KLF8: variants seen among roughly 807,000 people sequenced by gnomAD.
The protein encoded by KLF8 is Krueppel-like factor 8.
In KLF8, 10 loss-of-function variants were observed where a neutral mutation model predicts 18.2. The ratio of observed to expected loss-of-function variants is 0.55; its 90% confidence interval spans 0.34 to 0.93. The LOEUF is 0.93. KLF8 is among the 40% of genes least tolerant of loss of function. The pLI is 0.02. For synonymous variants in KLF8, 109 were observed against 97.3 expected (o/e 1.12, Z -0.71); for missense variants, 264 against 277.9 (o/e 0.95, Z 0.36).
At chrX:56,167,379 C>A in the KLF8 span, among the ~76,000 whole-genome samples, 1 of 112,033 alleles carries the variant, frequency 8.9e-6, no homozygotes, top group Non-Finnish European at 1.9e-5. Context: ...ATCTGCTCGT[C>A]TATGCCTCCC....
chrX:56,179,736 C>T, the KLF8 span, among the ~76,000 whole-genome samples: 2 of 111,709 alleles, frequency 1.8e-5, no homozygotes, highest in Non-Finnish European at 3.8e-5. Flanking sequence ...TTTATTGCAT[C>T]TATTGAGATA....
chrX:56,250,508 T>C, intron 2 of KLF8, among the ~76,000 whole-genome samples: 1 of 111,778 alleles, frequency 8.9e-6, no homozygotes, highest in Middle Eastern at 4.6e-3. Context: ...AAAAGAAACA[T>C]AGCCTCTGGA....
intron 2 of KLF8, among the ~76,000 whole-genome samples, chrX:56,250,967 A>G (rs917795858): frequency 8.0e-5 from 9 of 112,373 alleles, no homozygotes; most frequent in African/African-American, 2.9e-4. Context: ...CTCACATTAT[A>G]GAGAGTAATG....
chrX:56,136,079 C>A, the KLF8 span, among the ~76,000 whole-genome samples: 8 of 110,956 alleles, frequency 7.2e-5, 1 homozygote, highest in Admixed American at 7.7e-4. Flanking sequence ...AACTACAAAC[C>A]ACTGCTCAAG....
At chrX:56,052,529 G>A in the KLF8 span, among the ~76,000 whole-genome samples, 7 of 111,888 alleles carry the variant, frequency 6.3e-5, no homozygotes, top group Non-Finnish European at 1.3e-4. Flanking sequence ...TACCTGCCGT[G>A]TGAGGTGTCA....
chrX:56,107,109 C>T, the KLF8 span, among the ~76,000 whole-genome samples: 2 of 111,232 alleles, frequency 1.8e-5, no homozygotes, highest in African/African-American at 6.5e-5. Context: ...AGAGGGGCAC[C>T]CCCCTCTATG....
At chrX:56,190,373 A>G in the KLF8 span, among the ~76,000 whole-genome samples, 1 of 111,634 alleles carries the variant, frequency 9.0e-6, no homozygotes, top group Non-Finnish European at 1.9e-5. Context: ...CCCCAATACA[A>G]TTAGAGCTGG....
the KLF8 span, among the ~76,000 whole-genome samples, chrX:56,119,526 C>A: frequency 9.1e-6 from 1 of 110,473 alleles, no homozygotes; most frequent in Non-Finnish European, 1.9e-5. Context: ...GTCTCAGCCT[C>A]CCAAGTAGCT....
chrX:56,111,307 C>G, the KLF8 span, among the ~76,000 whole-genome samples: 1 of 111,810 alleles, frequency 8.9e-6, no homozygotes, highest in African/African-American at 3.2e-5. Context: ...TATAATGTAT[C>G]TAGTTGTGGA....
At chrX:56,167,397 T>G in the KLF8 span, among the ~76,000 whole-genome samples, 1 of 112,243 alleles carries the variant, frequency 8.9e-6, no homozygotes, top group South Asian at 3.7e-4. Flanking sequence ...CCCAAAGTGC[T>G]GGGATTACGG....
the KLF8 span, among the ~76,000 whole-genome samples, chrX:55,987,082 G>C: frequency 9.0e-6 from 1 of 110,973 alleles, no homozygotes; most frequent in African/African-American, 3.3e-5. Flanking sequence ...CGATGAACAT[G>C]TGTATGTATG....
the KLF8 span, among the ~76,000 whole-genome samples, chrX:56,132,026 A>G: frequency 2.7e-5 from 3 of 111,822 alleles, no homozygotes; most frequent in African/African-American, 9.7e-5. Flanking sequence ...ACAGATGGCA[A>G]CACAATAATA....
chrX:56,102,744 A>G, the KLF8 span, among the ~76,000 whole-genome samples: 1 of 110,183 alleles, frequency 9.1e-6, no homozygotes, highest in Non-Finnish European at 1.9e-5. Flanking sequence ...ATTCTTTTTT[A>G]TTTCTTATTT....
At chrX:55,933,733 T>G in the KLF8 span, among the ~76,000 whole-genome samples, 80 of 112,193 alleles carry the variant, frequency 7.1e-4, no homozygotes, top group African/African-American at 2.4e-3. Flanking sequence ...TTTTTCTGTC[T>G]TATGGAGTAA....
At chrX:56,140,797 T>TAAAAAAAA in the KLF8 span, among the ~76,000 whole-genome samples, 1 of 43,912 alleles carries the variant, frequency 2.3e-5, no homozygotes, top group African/African-American at 1.0e-4. Context: ...GCCCCTCCAG[T>TAAAAAAAA]AAAAAAAAAA....
intron 5 of KLF8, among the ~76,000 whole-genome samples, chrX:56,284,107 A>G (rs1366389344): frequency 8.9e-6 from 1 of 112,802 alleles, no homozygotes; most frequent in South Asian, 3.6e-4. Flanking sequence ...TCCACAATGT[A>G]TATACATCTC....
the KLF8 span, among the ~76,000 whole-genome samples, chrX:55,923,515 A>G: frequency 8.9e-6 from 1 of 111,881 alleles, no homozygotes; most frequent in African/African-American, 3.2e-5. Flanking sequence ...GAAATTAAAA[A>G]AAAAACTAAC....
At chrX:55,948,062 G>T in the KLF8 span, among the ~76,000 whole-genome samples, 1 of 112,066 alleles carries the variant, frequency 8.9e-6, no homozygotes, top group African/African-American at 3.2e-5. Context: ...AAGTTGGGAA[G>T]TATAGCTCAT....
chrX:56,147,489 CATT>C, the KLF8 span, among the ~76,000 whole-genome samples: 1 of 111,851 alleles, frequency 8.9e-6, no homozygotes, highest in Non-Finnish European at 1.9e-5. Flanking sequence ...AAATAAAAAA[CATT>C]GTGCTAACGA....
Sources: gnomAD v4.1 joint callset for allele counts (sites outside exome capture counted in the v4.1 genomes callset) on GRCh38, gnomAD v4.1.1 for gene constraint, MANE v1.5 for transcripts, NCBI Gene and HGNC (gene_info 2026-07-23, HGNC 2026-07-21) for gene names.